Variants in PKN2 observed in about 807,000 individuals in gnomAD.
PKN2 encodes the protein serine/threonine-protein kinase N2.
PKN2 carries 38 observed loss-of-function variants against 119.1 expected under a neutral mutation model. The observed-to-expected ratio is 0.32, with a 90% CI of 0.25 to 0.42. The LOEUF (loss-of-function observed/expected upper bound fraction) is 0.42, where lower values mean the gene tolerates loss of function less well. PKN2 is among the 10% of genes least tolerant of loss of function. The probability of loss-of-function intolerance (pLI) is 1.00; values close to 1 mark genes in which losing one functional copy is unlikely to be tolerated. For synonymous variants in PKN2, 390 were observed against 384.9 expected, an observed-to-expected ratio of 1.01 and a Z score of -0.15; for missense variants, 850 against 1,165.1, an observed-to-expected ratio of 0.73 and a Z score of 3.94.
intron 3 of PKN2, among the ~76,000 whole-genome samples, chr1:88,764,025 A>G (rs938632576): frequency 2.6e-5 from 4 of 152,096 alleles, no homozygotes; most frequent in African/African-American, 9.7e-5. Context: ...TCCTTTTTAA[A>G]TTTTTCAGAT....
intron 1 of PKN2, among the ~76,000 whole-genome samples, chr1:88,694,931 A>T (rs1431820378): frequency 6.6e-6 from 1 of 152,176 alleles, no homozygotes; most frequent in Non-Finnish European, 1.5e-5. Context: ...AGGTCAGGAG[A>T]TCGAGAGATC....
At chr1:88,813,761 GT>G (rs760361441) in intron 16 of PKN2, 28 bp downstream of exon 16, 2 of 1,501,374 alleles carry the variant, frequency 1.3e-6, no homozygotes, top group East Asian at 2.5e-5. Context: ...ATTTGTCTGA[GT>G]TTTTCCATGA....
At chr1:88,801,588 C>T (rs1351722641) in intron 8 of PKN2, among the ~76,000 whole-genome samples, 2 of 152,104 alleles carry the variant, frequency 1.3e-5, no homozygotes, top group Non-Finnish European at 2.9e-5. Flanking sequence ...TAGATCACAG[C>T]CCCACCCTCC....
intron 3 of PKN2, among the ~76,000 whole-genome samples, chr1:88,760,591 CCTT>C (rs1669403352): frequency 1.3e-5 from 2 of 152,010 alleles, no homozygotes; most frequent in Non-Finnish European, 2.9e-5. Flanking sequence ...GGTGATTTTG[CCTT>C]CTTAAGCTAT....
chr1:88,790,888 C>T (rs1363521749), intron 8 of PKN2, among the ~76,000 whole-genome samples: 1 of 151,938 alleles, frequency 6.6e-6, no homozygotes, highest in Non-Finnish European at 1.5e-5. Flanking sequence ...GAAAAATTTA[C>T]ATTTGATGTC....
At chr1:88,718,078 T>G (rs1193421611) in intron 1 of PKN2, among the ~76,000 whole-genome samples, 1 of 152,236 alleles carries the variant, frequency 6.6e-6, no homozygotes, top group Non-Finnish European at 1.5e-5. Context: ...TGTTGGAGTT[T>G]GCTGGAGGTC....
chr1:88,820,186 ATATATAT>A, intron 16 of PKN2, among the ~76,000 whole-genome samples: 2 of 3,306 alleles, frequency 6.0e-4, no homozygotes, highest in South Asian at 0.016. Context: ...AAACCTATAT[ATATATAT>A]ATATATATAT....
intron 19 of PKN2, 64 bp from the exon 20 acceptor site, chr1:88,832,680 A>T: frequency 1.2e-6 from 1 of 808,696 alleles, no homozygotes; most frequent in South Asian, 1.7e-5. Flanking sequence ...TTGTACTTTG[A>T]ATGGGTGATA....
At chr1:88,805,239 A>T (rs1327987577) in intron 10 of PKN2, among the ~76,000 whole-genome samples, 3 of 152,048 alleles carry the variant, frequency 2.0e-5, no homozygotes, top group Non-Finnish European at 4.4e-5. Flanking sequence ...TTATATCTAA[A>T]AGATAAGATT....
At chr1:88,726,163 G>C (rs995312214) in intron 1 of PKN2, among the ~76,000 whole-genome samples, 5 of 152,118 alleles carry the variant, frequency 3.3e-5, no homozygotes. Context: ...TTATTTCCCA[G>C]TTTATATGCT....
At chr1:88,822,952 C>G (rs1464314357) in intron 17 of PKN2, among the ~76,000 whole-genome samples, 1 of 152,138 alleles carries the variant, frequency 6.6e-6, no homozygotes, top group Non-Finnish European at 1.5e-5. Flanking sequence ...GGCACAGTGG[C>G]TCATGCCTGT....
At chr1:88,780,990 GTTA>G in intron 6 of PKN2, 1 of 655,264 alleles carries the variant, frequency 1.5e-6, no homozygotes, top group Admixed American at 6.3e-5. Flanking sequence ...TTTACTCAAA[GTTA>G]TATAAGTCAC....
At chr1:88,686,536 A>G (rs1014340381) in intron 1 of PKN2, among the ~76,000 whole-genome samples, 12 of 152,118 alleles carry the variant, frequency 7.9e-5, no homozygotes, top group Non-Finnish European at 1.6e-4. Context: ...AAACTGAAAT[A>G]TAACCCCTTC....
intron 1 of PKN2, among the ~76,000 whole-genome samples, chr1:88,728,058 C>T (rs1408852470): frequency 7.0e-6 from 1 of 142,282 alleles, no homozygotes; most frequent in Admixed American, 7.2e-5. Flanking sequence ...GGGTTACAGA[C>T]TTCTGGCACA....
At chr1:88,790,984 C>A (rs996924177) in intron 8 of PKN2, among the ~76,000 whole-genome samples, 2 of 152,120 alleles carry the variant, frequency 1.3e-5, no homozygotes, top group African/African-American at 4.8e-5. Flanking sequence ...ATAATACCAT[C>A]TCTTAAAACT....
intron 1 of PKN2, among the ~76,000 whole-genome samples, chr1:88,715,531 C>A (rs1207912810): frequency 6.6e-6 from 1 of 152,172 alleles, no homozygotes. Context: ...TCCATTTCTT[C>A]TAGAATTTCT....
chr1:88,827,162 T>C (rs1457520618), intron 18 of PKN2, among the ~76,000 whole-genome samples: 1 of 152,128 alleles, frequency 6.6e-6, no homozygotes, highest in Non-Finnish European at 1.5e-5. Context: ...TTTAACACTT[T>C]GGAATACATA....
chr1:88,718,584 A>G (rs1667547913), intron 1 of PKN2, among the ~76,000 whole-genome samples: 1 of 152,236 alleles, frequency 6.6e-6, no homozygotes, highest in South Asian at 2.1e-4. Context: ...TCATATATTG[A>G]AATATACCAA....
chr1:88,801,935 C>G lies in PKN2; in HGVS notation c.1282-2456C>G, dbSNP rs1437485848. Among the ~76,000 whole-genome samples, 3 of 152,202 alleles carry G rather than the reference C, an allele frequency of 2.0e-5. No homozygotes were observed. The East Asian group carries it at 5.8e-4, about 29-fold the overall frequency. ...TTACTGATTTGCTAATAACCTAAAA[C>G]TTTCCTAAATAGGTAAATGCAAAGG... On this transcript the variant is annotated intron_variant, in intron 8 of 21. Coordinates refer to ENST00000370521, the MANE Select transcript of PKN2 (RefSeq NM_006256.4).
Sources: gnomAD v4.1 joint callset for allele counts (sites outside exome capture counted in the v4.1 genomes callset) on GRCh38, gnomAD v4.1.1 for gene constraint, MANE v1.5 for transcripts, NCBI Gene and HGNC (gene_info 2026-07-23, HGNC 2026-07-21) for gene names.